Variants in ERBB4 observed in about 807,000 individuals in gnomAD.
ERBB4 encodes the protein receptor tyrosine-protein kinase erbB-4.
ERBB4 carries 42 observed loss-of-function variants against 158.0 expected under a neutral mutation model. The ratio of observed to expected loss-of-function variants is 0.27; its 90% confidence interval spans 0.21 to 0.34. The LOEUF (loss-of-function observed/expected upper bound fraction) is 0.34. Ranked by LOEUF, ERBB4 falls within the 10% of genes least tolerant of loss-of-function variation. ERBB4 has a pLI of 1.00. For missense variants in ERBB4, 1,333 were observed against 1,624.1 expected (o/e 0.82, Z 3.08); for synonymous variants, 583 against 558.7 (o/e 1.04, Z -0.61).
chr2:212,487,532 T>C (rs1009629294), intron 1 of ERBB4, among the ~76,000 whole-genome samples: 1 of 151,150 alleles, frequency 6.6e-6, no homozygotes, highest in Admixed American at 6.6e-5. Context: ...TAACATTTAC[T>C]ACACTCCCAC....
At chr2:212,350,449 C>T (rs771097733) in intron 1 of ERBB4, among the ~76,000 whole-genome samples, 25 of 151,996 alleles carry the variant, frequency 1.6e-4, no homozygotes, top group Non-Finnish European at 3.4e-4. Flanking sequence ...GTCTTTAATA[C>T]TAACATGGAA....
At chr2:212,325,246 A>G (rs1378632899) in intron 1 of ERBB4, among the ~76,000 whole-genome samples, 1 of 150,688 alleles carries the variant, frequency 6.6e-6, no homozygotes, top group Non-Finnish European at 1.5e-5. Flanking sequence ...AAATTCATGA[A>G]TATAAAGGTA....
intron 7 of ERBB4, among the ~76,000 whole-genome samples, chr2:211,720,421 T>C (rs972192591): frequency 5.3e-5 from 8 of 152,200 alleles, no homozygotes; most frequent in African/African-American, 1.9e-4. Flanking sequence ...AGTGATGACC[T>C]TGGCAAACTC....
intron 1 of ERBB4, among the ~76,000 whole-genome samples, chr2:212,397,026 A>T (rs994586916): frequency 6.6e-6 from 1 of 152,220 alleles, no homozygotes; most frequent in Non-Finnish European, 1.5e-5. Flanking sequence ...GGTATTGTAT[A>T]TTTATGTAAC....
chr2:211,741,452 T>TAC (rs5838279), intron 5 of ERBB4, among the ~76,000 whole-genome samples: 15,059 of 143,122 alleles, frequency 0.11, 1,349 homozygotes, highest in African/African-American at 0.25. Flanking sequence ...TATGTAGTTA[T>TAC]ACACACACAC....
At chr2:212,473,653 G>A (rs1689226663) in intron 1 of ERBB4, among the ~76,000 whole-genome samples, 1 of 151,790 alleles carries the variant, frequency 6.6e-6, no homozygotes, top group African/African-American at 2.4e-5. Flanking sequence ...AGTATTTACT[G>A]GTTACCTTAA....
At chr2:211,649,092 A>G (rs1204108209) in intron 16 of ERBB4, among the ~76,000 whole-genome samples, 1 of 151,904 alleles carries the variant, frequency 6.6e-6, no homozygotes, top group Non-Finnish European at 1.5e-5. Flanking sequence ...ATAGGAGTAC[A>G]CGCTTAGATC....
chr2:211,759,269 G>T (rs890484219), intron 4 of ERBB4, among the ~76,000 whole-genome samples: 5 of 152,036 alleles, frequency 3.3e-5, no homozygotes, highest in African/African-American at 1.2e-4. Context: ...ATCATCTATT[G>T]CTTGGATTAA....
chr2:212,191,811 CAT>C (rs1188606907), intron 1 of ERBB4, among the ~76,000 whole-genome samples: 2 of 135,058 alleles, frequency 1.5e-5, no homozygotes, highest in African/African-American at 5.4e-5. Flanking sequence ...ATATATAATA[CAT>C]GTTATATATG....
intron 25 of ERBB4, among the ~76,000 whole-genome samples, chr2:211,392,558 C>CCG (rs767854845): frequency 0.079 from 11,158 of 140,846 alleles, 530 homozygotes; most frequent in Non-Finnish European, 0.086. Context: ...CTCTCTTACT[C>CCG]CACACACACA....
rs560039030 is a variant in ERBB4 at position 212,320,018 on chromosome 2, T to C, written c.83-195115A>G. Among the ~76,000 whole-genome samples, 56 of 150,150 alleles carry C rather than the reference T, an allele frequency of 3.7e-4. 2 individuals are homozygous for C. The South Asian group carries it at 0.011, about 29-fold the overall frequency. ...GATAAGTGGGTGGAATTTTCCTCCATACAGCCCCAAAGCAGTTGTTTCTGA... is the reference window on the plus strand; with the variant it reads ...GATAAGTGGGTGGAATTTTCCTCCACACAGCCCCAAAGCAGTTGTTTCTGA... On this transcript the variant is annotated intron_variant, in intron 1 of 27. Coordinates refer to ENST00000342788, the MANE Select transcript of ERBB4 (RefSeq NM_005235.3).
chr2:212,100,619 TAA>T (rs111592610), intron 2 of ERBB4, among the ~76,000 whole-genome samples: 2 of 152,170 alleles, frequency 1.3e-5, no homozygotes, highest in Admixed American at 6.6e-5. Context: ...CAAAAATAAA[TAA>T]GTCAAAGTTC....
chr2:212,292,473 C>T (rs572413806), intron 1 of ERBB4, among the ~76,000 whole-genome samples: 2 of 151,828 alleles, frequency 1.3e-5, no homozygotes, highest in East Asian at 3.9e-4. Flanking sequence ...TTTCTAGTAC[C>T]TTTAGTGATA....
At chr2:211,851,811 G>A (rs916785005) in intron 3 of ERBB4, among the ~76,000 whole-genome samples, 4 of 151,804 alleles carry the variant, frequency 2.6e-5, no homozygotes, top group Non-Finnish European at 4.4e-5. Context: ...AATTTCTTGA[G>A]AAGAGTTTCT....
chr2:212,191,341 T>C (rs1011377547), intron 1 of ERBB4, among the ~76,000 whole-genome samples: 2 of 152,124 alleles, frequency 1.3e-5, no homozygotes, highest in Admixed American at 6.5e-5. Flanking sequence ...TCCATTTTTT[T>C]TAATGTTACT....
intron 1 of ERBB4, among the ~76,000 whole-genome samples, chr2:212,209,543 T>A (rs75595703): frequency 0.063 from 9,547 of 152,188 alleles, 359 homozygotes; most frequent in Non-Finnish European, 0.082. Context: ...TATCTACTAG[T>A]AATGTGACTA....
intron 19 of ERBB4, among the ~76,000 whole-genome samples, chr2:211,586,718 G>A (rs984667701): frequency 3.9e-5 from 6 of 152,116 alleles, no homozygotes; most frequent in African/African-American, 1.4e-4. Flanking sequence ...GGACCTCTAT[G>A]AATTTGAAAC....
At chr2:211,433,378 G>A (rs1013205229) in intron 20 of ERBB4, among the ~76,000 whole-genome samples, 1 of 151,820 alleles carries the variant, frequency 6.6e-6, no homozygotes, top group Non-Finnish European at 1.5e-5. Flanking sequence ...TCAGGAGATC[G>A]AGACCATCCT....
intron 20 of ERBB4, among the ~76,000 whole-genome samples, chr2:211,450,257 C>T (rs1236680628): frequency 1.3e-5 from 2 of 151,964 alleles, no homozygotes; most frequent in Non-Finnish European, 2.9e-5. Flanking sequence ...GAGGAGTGTG[C>T]AAGGGCAAAC....
Sources: allele counts gnomAD v4.1 joint callset (sites outside exome capture counted in the v4.1 genomes callset), GRCh38; gene constraint gnomAD v4.1.1; transcripts MANE v1.5; gene names NCBI Gene and HGNC (gene_info 2026-07-23, HGNC 2026-07-21).